The following RPS6KC1 variants were observed in gnomAD, a reference collection of about 807,000 sequenced individuals.
The protein encoded by RPS6KC1 is inactive ribosomal protein S6 kinase delta-1.
Under a neutral mutation model 103.8 loss-of-function variants are expected in RPS6KC1, and 54 were observed. The observed-to-expected ratio is 0.52, with a 90% CI of 0.42 to 0.65. The LOEUF is 0.65. RPS6KC1 is among the 30% of genes least tolerant of loss of function. RPS6KC1 has a pLI of 0.00. For synonymous variants in RPS6KC1, 439 were observed against 438.7 expected, an observed-to-expected ratio of 1.00 and a Z score of -0.01; for missense variants, 1,151 against 1,253.8, an observed-to-expected ratio of 0.92 and a Z score of 1.24.
the RPS6KC1 span, among the ~76,000 whole-genome samples, chr1:213,721,242 C>T: frequency 6.6e-6 from 1 of 152,128 alleles, no homozygotes; most frequent in Non-Finnish European, 1.5e-5. Context: ...GCTGTGTCCC[C>T]TTCTTCTTCA....
chr1:213,468,567 G>T, the RPS6KC1 span, among the ~76,000 whole-genome samples: 1 of 152,310 alleles, frequency 6.6e-6, no homozygotes, highest in East Asian at 1.9e-4. Context: ...AGAGACTTGA[G>T]AAATCAACAG....
intron 12 of RPS6KC1, among the ~76,000 whole-genome samples, chr1:213,250,492 G>T (rs575344052): frequency 3.9e-5 from 6 of 152,232 alleles, no homozygotes; most frequent in Admixed American, 3.9e-4. Context: ...TAAGAAAAAA[G>T]GAGCAAAATG....
chr1:213,376,372 A>T, the RPS6KC1 span, among the ~76,000 whole-genome samples: 1 of 151,982 alleles, frequency 6.6e-6, no homozygotes, highest in Non-Finnish European at 1.5e-5. Context: ...GCAAATTCCC[A>T]GTTGTTAGAT....
the RPS6KC1 span, among the ~76,000 whole-genome samples, chr1:213,765,146 T>A: frequency 6.6e-6 from 1 of 152,146 alleles, no homozygotes; most frequent in Non-Finnish European, 1.5e-5. Flanking sequence ...CCTGTTTAAG[T>A]CTGGATGCAG....
chr1:213,414,313 C>A, the RPS6KC1 span, among the ~76,000 whole-genome samples: 1 of 152,104 alleles, frequency 6.6e-6, no homozygotes, highest in Non-Finnish European at 1.5e-5. Flanking sequence ...ACCTGGAGAT[C>A]GGCTGCACAT....
At chr1:213,563,425 A>G in the RPS6KC1 span, among the ~76,000 whole-genome samples, 1 of 152,042 alleles carries the variant, frequency 6.6e-6, no homozygotes, top group South Asian at 2.1e-4. Context: ...TTACTTTGGA[A>G]TTTTAGTTCA....
chr1:213,279,713 A>G (rs902321503), downstream of RPS6KC1, among the ~76,000 whole-genome samples: 6 of 152,218 alleles, frequency 3.9e-5, no homozygotes, highest in African/African-American at 9.7e-5. Context: ...GTGGTCCCCA[A>G]TCTGGGTCAA....
At chr1:213,376,700 G>C in the RPS6KC1 span, among the ~76,000 whole-genome samples, 1 of 152,168 alleles carries the variant, frequency 6.6e-6, no homozygotes, top group Non-Finnish European at 1.5e-5. Flanking sequence ...CAGACAATTA[G>C]GGGGTCCCCT....
In RPS6KC1 at chr1:213,152,444, G is replaced by A. The variant is rs1477482167; in HGVS notation, c.836-15414G>A. Among the ~76,000 whole-genome samples the A allele has an allele frequency of 6.0e-5, 9 of 150,504 alleles. No homozygotes were observed. The East Asian group carries it at 1.4e-3, about 23-fold the overall frequency. ...CGGAGACGCTCCTCACTTCCCAGAC[G>A]GGGCGGCTGCCGGGCGGAGGGGCTC... On this transcript the variant is annotated intron_variant, in intron 6 of 14. Transcript: ENST00000366960.
intron 4 of RPS6KC1, among the ~76,000 whole-genome samples, chr1:213,107,228 T>C (rs1159473536): frequency 6.6e-6 from 1 of 152,110 alleles, no homozygotes; most frequent in Non-Finnish European, 1.5e-5. Context: ...AGGTGTGAGC[T>C]ACTGTGCCTG....
the RPS6KC1 span, among the ~76,000 whole-genome samples, chr1:213,384,774 A>G: frequency 1.3e-5 from 2 of 151,056 alleles, no homozygotes; most frequent in African/African-American, 2.4e-5. Flanking sequence ...GTGTCCAGGT[A>G]CAGGTATATT....
At chr1:213,704,612 C>G in the RPS6KC1 span, among the ~76,000 whole-genome samples, 2 of 152,162 alleles carry the variant, frequency 1.3e-5, no homozygotes, top group African/African-American at 4.8e-5. Flanking sequence ...ATCTCTGTTT[C>G]TCCAGATTGG....
chr1:213,798,377 T>C, the RPS6KC1 span, among the ~76,000 whole-genome samples: 11 of 152,208 alleles, frequency 7.2e-5, no homozygotes, highest in Non-Finnish European at 1.0e-4. Context: ...GCCAAGTGGC[T>C]TCCCCATCTG....
At chr1:213,695,786 G>T in the RPS6KC1 span, among the ~76,000 whole-genome samples, 1 of 152,092 alleles carries the variant, frequency 6.6e-6, no homozygotes, top group African/African-American at 2.4e-5. Context: ...AAAGATATTC[G>T]TATTATTTCT....
chr1:213,792,821 C>T, the RPS6KC1 span, among the ~76,000 whole-genome samples: 1 of 151,384 alleles, frequency 6.6e-6, no homozygotes, highest in Non-Finnish European at 1.5e-5. Flanking sequence ...TTAAGGAACC[C>T]CCACCCCACC....
At chr1:213,806,954 A>G in the RPS6KC1 span, among the ~76,000 whole-genome samples, 1 of 118,576 alleles carries the variant, frequency 8.4e-6, no homozygotes, top group East Asian at 2.3e-4. Flanking sequence ...TTCCTTCAGG[A>G]GCTCTTTTAG....
At chr1:213,593,354 G>T in the RPS6KC1 span, among the ~76,000 whole-genome samples, 2 of 152,188 alleles carry the variant, frequency 1.3e-5, no homozygotes, top group Non-Finnish European at 1.5e-5. Flanking sequence ...GATTTTCAAA[G>T]TGGCCAGGAG....
intron 3 of RPS6KC1, among the ~76,000 whole-genome samples, chr1:213,092,639 T>A (rs1046216692): frequency 1.4e-5 from 2 of 147,840 alleles, no homozygotes; most frequent in Non-Finnish European, 3.0e-5. Context: ...GCCACTGCAC[T>A]CCAGCCTGGG....
At chr1:213,131,310 C>T (rs1209218263) in intron 6 of RPS6KC1, among the ~76,000 whole-genome samples, 2 of 152,034 alleles carry the variant, frequency 1.3e-5, no homozygotes, top group African/African-American at 4.8e-5. Context: ...TTAATTTTGT[C>T]ATCTTGATAT....
Sources: gnomAD v4.1 joint callset for allele counts (sites outside exome capture counted in the v4.1 genomes callset) on GRCh38, gnomAD v4.1.1 for gene constraint, MANE v1.5 for transcripts, NCBI Gene and HGNC (gene_info 2026-07-23, HGNC 2026-07-21) for gene names.